KDM6A: variants seen among roughly 807,000 people sequenced by gnomAD.
The protein encoded by KDM6A is lysine demethylase 6A.
A neutral mutation model predicts 117.6 loss-of-function variants in KDM6A; 11 were observed. The ratio of observed to expected loss-of-function variants is 0.09; its 90% CI spans 0.06 to 0.15. The LOEUF is 0.15. KDM6A is among the 10% of genes least tolerant of loss of function. The probability of loss-of-function intolerance (pLI) is 1.00; values close to 1 mark genes in which losing one functional copy is unlikely to be tolerated. For missense variants in KDM6A, 799 were observed against 1,077.3 expected (o/e 0.74, Z 3.62); for synonymous variants, 384 against 396.1 (o/e 0.97, Z 0.36).
At chrX:44,894,602 T>C (rs754305965) in intron 2 of KDM6A, among the ~76,000 whole-genome samples, 29 of 100,161 alleles carry the variant, frequency 2.9e-4, no homozygotes, top group Admixed American at 2.4e-4. Flanking sequence ...GTTTGTCAAC[T>C]TAATTAATTA....
chrX:44,964,273 AC>A (rs1420987307), intron 3 of KDM6A, among the ~76,000 whole-genome samples: 2 of 105,389 alleles, frequency 1.9e-5, no homozygotes, highest in Admixed American at 2.1e-4. Flanking sequence ...ACCTGGTGAA[AC>A]CCCGTCTCTA....
At chrX:44,933,259 GAT>G (rs1491561278) in intron 2 of KDM6A, among the ~76,000 whole-genome samples, 7 of 57,982 alleles carry the variant, frequency 1.2e-4, no homozygotes, top group South Asian at 1.0e-3. Context: ...AGTTTATGTT[GAT>G]TTTTTTTTTT....
At chrX:45,049,575 A>T (rs2043742818) in intron 8 of KDM6A, among the ~76,000 whole-genome samples, 1 of 112,089 alleles carries the variant, frequency 8.9e-6, no homozygotes. Context: ...TGTTTTTATT[A>T]CAGTGTTGGG....
At chrX:45,010,913 G>A (rs757167061) in intron 4 of KDM6A, 48 bp from the exon 5 acceptor site, 1 of 916,741 alleles carries the variant, frequency 1.1e-6, no homozygotes, top group Admixed American at 2.2e-5. Context: ...CATCATATAT[G>A]TTAGATACAA....
chrX:44,911,486 G>A (rs2035158338), intron 2 of KDM6A, among the ~76,000 whole-genome samples: 1 of 110,052 alleles, frequency 9.1e-6, no homozygotes, highest in East Asian at 2.9e-4. Context: ...AGGCAGAGAC[G>A]CTCCTCACTT....
At chrX:44,891,714 C>A (rs1266986643) in intron 2 of KDM6A, among the ~76,000 whole-genome samples, 1 of 111,878 alleles carries the variant, frequency 8.9e-6, no homozygotes. Context: ...TCATTTATAA[C>A]CTGACGCGTC....
intron 8 of KDM6A, among the ~76,000 whole-genome samples, chrX:45,044,878 A>G (rs1303922095): frequency 9.0e-6 from 1 of 111,723 alleles, no homozygotes; most frequent in Non-Finnish European, 1.9e-5. Flanking sequence ...AAGCATTAAT[A>G]TATTACCAAA....
Position 44,873,913 on chromosome X carries a change from T to C in KDM6A, c.162-11T>C. The C allele has an allele frequency of 8.3e-7, 1 of 1,209,569 alleles. No individual in the cohort carries two copies. The highest frequency in any genetic ancestry group is 1.8e-5 in the South Asian group (1 of 56,872). On this transcript the variant is annotated splice_polypyrimidine_tract_variant and intron_variant, in intron 1 of 29. Coordinates refer to ENST00000611820, the MANE Select transcript of KDM6A (RefSeq NM_001291415.2). Reference sequence around the variant, plus strand: ...TGAGCGTTAACGAGTAAACTGTGTCTGTCTCCACAGCCGCCTCTTTGGGTT... The same window carrying C: ...TGAGCGTTAACGAGTAAACTGTGTCCGTCTCCACAGCCGCCTCTTTGGGTT...
At chrX:45,022,869 C>A (rs1224376737) in intron 6 of KDM6A, among the ~76,000 whole-genome samples, 1 of 111,819 alleles carries the variant, frequency 8.9e-6, no homozygotes, top group East Asian at 2.8e-4. Context: ...TTCAGCTGAT[C>A]TAAGGTTTCA....
At chrX:44,969,563 G>A (rs2039226843) in intron 3 of KDM6A, among the ~76,000 whole-genome samples, 1 of 108,210 alleles carries the variant, frequency 9.2e-6, no homozygotes, top group African/African-American at 3.4e-5. Context: ...TACTACAGGT[G>A]CCCGCCACCA....
At chrX:44,994,154 A>G (rs183963082) in intron 4 of KDM6A, among the ~76,000 whole-genome samples, 21 of 112,111 alleles carry the variant, frequency 1.9e-4, no homozygotes, top group African/African-American at 6.5e-4. Flanking sequence ...ATGATTATTA[A>G]CTATAGTTAC....
chrX:44,990,714 T>G lies in KDM6A; in HGVS notation c.384+15999T>G, dbSNP rs924002386. On this transcript the variant is annotated intron_variant, in intron 4 of 29. Transcript: ENST00000611820. Reference sequence around the variant, plus strand: ...TATACATGCCATTTTAATTTTATTTTTTATCTCTGCTGGTATATAGAACTG... The same window carrying G: ...TATACATGCCATTTTAATTTTATTTGTTATCTCTGCTGGTATATAGAACTG... Among the ~76,000 whole-genome samples, 4 of 111,655 alleles carry G rather than the reference T, an allele frequency of 3.6e-5. No individual in the cohort carries two copies. In the Admixed American group the frequency reaches 3.8e-4, roughly 11 times the overall value.
intron 17 of KDM6A, among the ~76,000 whole-genome samples, chrX:45,067,987 G>T (rs1438874433): frequency 9.0e-6 from 1 of 111,081 alleles, no homozygotes; most frequent in Non-Finnish European, 1.9e-5. Flanking sequence ...TAGTGTTTTA[G>T]GTAGATAAGC....
At chrX:45,043,553 G>T (rs2043385367) in intron 8 of KDM6A, among the ~76,000 whole-genome samples, 1 of 111,141 alleles carries the variant, frequency 9.0e-6, no homozygotes, top group South Asian at 3.8e-4. Flanking sequence ...GAGGCAGGTG[G>T]ATCACTTGAA....
intron 17 of KDM6A, among the ~76,000 whole-genome samples, chrX:45,067,930 G>A (rs1169109487): frequency 9.0e-6 from 1 of 111,043 alleles, no homozygotes; most frequent in East Asian, 2.8e-4. Context: ...GGGATTCCAG[G>A]TGTGAGCCAC....
At chrX:44,964,743 T>G (rs2038921209) in intron 3 of KDM6A, among the ~76,000 whole-genome samples, 2 of 112,046 alleles carry the variant, frequency 1.8e-5, no homozygotes, top group Admixed American at 1.9e-4. Context: ...GACAGTAGAT[T>G]TAGCATATTT....
intron 3 of KDM6A, among the ~76,000 whole-genome samples, chrX:44,964,155 TAA>T (rs1199032008): frequency 9.1e-6 from 1 of 109,880 alleles, no homozygotes; most frequent in East Asian, 2.9e-4. Flanking sequence ...TGTATTACTT[TAA>T]TAAGATTTGA....
chrX:44,908,010 T>C (rs189311765), intron 2 of KDM6A, among the ~76,000 whole-genome samples: 1 of 110,440 alleles, frequency 9.1e-6, no homozygotes, highest in East Asian at 2.8e-4. Flanking sequence ...AATTTTTTAT[T>C]GGGGTAGGGG....
chrX:45,029,339 G>A (rs998480188), intron 6 of KDM6A, among the ~76,000 whole-genome samples: 3 of 111,206 alleles, frequency 2.7e-5, no homozygotes, highest in Non-Finnish European at 5.7e-5. Flanking sequence ...GGAGGCTGAG[G>A]CAGGAGAATC....
Sources: gnomAD v4.1 joint callset for allele counts (sites outside exome capture counted in the v4.1 genomes callset) on GRCh38, gnomAD v4.1.1 for gene constraint, MANE v1.5 for transcripts, NCBI Gene and HGNC (gene_info 2026-07-23, HGNC 2026-07-21) for gene names.